The following KLRK1 variants were observed in gnomAD, a reference collection of about 807,000 sequenced individuals.
KLRK1 encodes killer cell lectin like receptor K1, also known as NKG2-D type II integral membrane protein.
A neutral mutation model predicts 31.3 loss-of-function variants in KLRK1; 40 were observed. The ratio of observed to expected loss-of-function variants is 1.28; its 90% confidence interval spans 0.99 to 1.67. The LOEUF (loss-of-function observed/expected upper bound fraction) is 1.67. Ranked by LOEUF, KLRK1 falls within the 40% of genes most tolerant of loss-of-function variation. KLRK1 has a pLI of 0.00. For synonymous variants in KLRK1, 77 were observed against 77.3 expected (o/e 1.00, Z 0.02); for missense variants, 251 against 260.0 (o/e 0.97, Z 0.24).
At chr12:10,388,654 G>A in intron 2 of KLRK1, 117 bp downstream of exon 2, 3 of 1,162,750 alleles carry the variant, frequency 2.6e-6, no homozygotes, top group South Asian at 3.0e-5. Flanking sequence ...AACATAAATA[G>A]AACATGAAAA....
chr12:10,384,205 A>G (rs1440734571), intron 3 of KLRK1, among the ~76,000 whole-genome samples: 4 of 152,076 alleles, frequency 2.6e-5, no homozygotes, highest in Admixed American at 1.3e-4. Context: ...ATTCAGTGCA[A>G]TTCCTAACAC....
Position 10,387,030 on chromosome 12 carries a change from G to A in KLRK1, c.41-20C>T, listed in dbSNP as rs774470337. The A allele has an allele frequency of 5.1e-6, 8 of 1,582,912 alleles. No homozygotes were observed. In the Admixed American group the frequency reaches 7.1e-5, roughly 14 times the overall value. Reference sequence around the variant, plus strand: ...TCATCTCTAGAGAAAAAGAATTCAGGCTTATATGAGTCATGGCCTTTCTGC... The same window carrying A: ...TCATCTCTAGAGAAAAAGAATTCAGACTTATATGAGTCATGGCCTTTCTGC... On this transcript the variant is annotated intron_variant, in intron 2 of 7. Transcript: ENST00000240618.
chr12:10,377,869 T>C lies in KLRK1; in HGVS notation c.533+263A>G, dbSNP rs576482642. On this transcript the variant is annotated intron_variant, in intron 7 of 7. Transcript: ENST00000240618. ...TATTTAACCTCTCTGTTTCTGTCTC[T>C]TTATCTGTAAAACGAACATATTAGA... Among the ~76,000 whole-genome samples the C allele has an allele frequency of 6.0e-4, 91 of 152,344 alleles. 1 individual carries two copies. In the South Asian group the frequency reaches 6.2e-3, roughly 10 times the overall value.
chr12:10,382,630 A>G (rs1409422109), intron 3 of KLRK1, among the ~76,000 whole-genome samples: 1 of 152,206 alleles, frequency 6.6e-6, no homozygotes, highest in Non-Finnish European at 1.5e-5. Context: ...ACAAATGTGC[A>G]ATAAGAAAAC....
intron 3 of KLRK1, among the ~76,000 whole-genome samples, chr12:10,385,367 G>GACACAC (rs3055416): frequency 0.036 from 5,176 of 145,616 alleles, 115 homozygotes; most frequent in Non-Finnish European, 0.045. Context: ...AGCACACACA[G>GACACAC]ACACACACAC....
At chr12:10,380,850 G>T (rs1863061036) in intron 3 of KLRK1, among the ~76,000 whole-genome samples, 1 of 152,134 alleles carries the variant, frequency 6.6e-6, no homozygotes, top group East Asian at 1.9e-4. Flanking sequence ...CAGCAGCACT[G>T]CACCATTTTG....
chr12:10,380,267 G>A (rs574965803), intron 3 of KLRK1, among the ~76,000 whole-genome samples: 4 of 152,060 alleles, frequency 2.6e-5, no homozygotes, highest in East Asian at 3.9e-4. Flanking sequence ...GGGTTTCACC[G>A]TGTTAGCCAG....
chr12:10,376,971 C>A (rs1862979414), intron 7 of KLRK1, among the ~76,000 whole-genome samples: 1 of 152,100 alleles, frequency 6.6e-6, no homozygotes, highest in African/African-American at 2.4e-5. Flanking sequence ...CACCTGCCAC[C>A]CCGTCCAGCT....
intron 5 of KLRK1, 41 bp from the exon 6 acceptor site, chr12:10,378,746 C>A (rs1030758594): frequency 2.6e-6 from 4 of 1,540,344 alleles, no homozygotes; most frequent in Non-Finnish European, 3.5e-6. Context: ...CACATCTGAA[C>A]CATTATAGCA....
intron 7 of KLRK1, 121 bp downstream of exon 7, chr12:10,378,011 T>G (rs1862997148): frequency 6.5e-6 from 7 of 1,069,436 alleles, no homozygotes; most frequent in Non-Finnish European, 2.7e-6. Flanking sequence ...AAGCACTTTT[T>G]ACTAAATCTA....
chr12:10,383,743 T>G (rs1363191811), intron 3 of KLRK1, among the ~76,000 whole-genome samples: 2 of 152,106 alleles, frequency 1.3e-5, no homozygotes, highest in Non-Finnish European at 2.9e-5. Context: ...ACAGACCATA[T>G]GCTAGGTGAT....
chr12:10,387,285 C>T (rs971597763), intron 2 of KLRK1, among the ~76,000 whole-genome samples: 1 of 152,120 alleles, frequency 6.6e-6, no homozygotes, highest in Non-Finnish European at 1.5e-5. Context: ...TGAAACCTAA[C>T]ATTACCAGAA....
chr12:10,372,818 C>T lies in KLRK1; in HGVS notation c.*296G>A. ...CTGATCCCCTGGGTGTTGGTCCTAC[C>T]TTTAGAAATTAAAACAGCACCCCTC... On this transcript the variant is annotated 3_prime_UTR_variant, in exon 8 of 8. Coordinates refer to ENST00000240618, the MANE Select transcript of KLRK1 (RefSeq NM_007360.4). 3.1e-6 allele frequency: 1 copy of T among 325,496 alleles called. No homozygotes were observed. The highest frequency in any genetic ancestry group is 5.6e-6 in the Non-Finnish European group (1 of 177,746). The allele number at this position is 325,496 out of a possible 1,614,324, so 20.2% of individuals were successfully genotyped here. A position where few individuals can be genotyped will look rare whatever the true frequency, so the allele number is the denominator to read the frequency against.
Position 10,379,649 on chromosome 12 carries a change from T to A in KLRK1, c.241+51A>T, listed in dbSNP as rs755277497. The A allele has an allele frequency of 8.6e-6, 13 of 1,507,604 alleles. No homozygotes were observed. In the Admixed American group the frequency reaches 9.7e-5, roughly 11 times the overall value. 93.4% of individuals were successfully genotyped at this position (1,507,604 alleles called of 1,614,324 possible). A position where few individuals can be genotyped will look rare whatever the true frequency, so the allele number is the denominator to read the frequency against. ...ATGAATACTAACAAAAATAATACATTAGCATTGTTAAATTGACAATGTTGC... is the reference window on the plus strand; with the variant it reads ...ATGAATACTAACAAAAATAATACATAAGCATTGTTAAATTGACAATGTTGC... On this transcript the variant is annotated intron_variant, in intron 4 of 7. Coordinates refer to ENST00000240618, the MANE Select transcript of KLRK1 (RefSeq NM_007360.4).
chr12:10,377,310 G>A (rs1862985389), intron 7 of KLRK1, among the ~76,000 whole-genome samples: 1 of 152,110 alleles, frequency 6.6e-6, no homozygotes, highest in Non-Finnish European at 1.5e-5. Flanking sequence ...TTGTTTCTAG[G>A]TGTTTATGTT....
intron 3 of KLRK1, among the ~76,000 whole-genome samples, chr12:10,385,365 C>T (rs1863147065): frequency 9.3e-6 from 1 of 107,276 alleles, no homozygotes; most frequent in South Asian, 4.6e-4. Flanking sequence ...TAAGCACACA[C>T]AGACACACAC....
chr12:10,378,763 G>C, intron 5 of KLRK1, 58 bp from the exon 6 acceptor site: 1 of 1,514,722 alleles, frequency 6.6e-7, no homozygotes, highest in South Asian at 1.4e-5. Context: ...AGCAGATTTT[G>C]TCTAGACAAA....
chr12:10,382,972 A>C (rs114270991), intron 3 of KLRK1, among the ~76,000 whole-genome samples: 4,421 of 152,170 alleles, frequency 0.029, 180 homozygotes, highest in African/African-American at 0.099. Flanking sequence ...ATGTCCTTGT[A>C]AGTCTCACAG....
chr12:10,376,116 T>C (rs1862960298), intron 7 of KLRK1, among the ~76,000 whole-genome samples: 1 of 152,208 alleles, frequency 6.6e-6, no homozygotes, highest in Non-Finnish European at 1.5e-5. Context: ...TCTGAAAAGA[T>C]TTAGGGTAAA....
Sources: allele counts gnomAD v4.1 joint callset (sites outside exome capture counted in the v4.1 genomes callset), GRCh38; gene constraint gnomAD v4.1.1; transcripts MANE v1.5; gene names NCBI Gene and HGNC (gene_info 2026-07-23, HGNC 2026-07-21).